The following GPHN variants were observed in gnomAD, a reference collection of about 807,000 sequenced individuals.
GPHN encodes gephyrin.
In GPHN, 17 loss-of-function variants were observed where a neutral mutation model predicts 95.5. That is an observed-to-expected ratio of 0.18 (90% CI 0.12 to 0.27). The LOEUF is 0.27. GPHN is among the 10% of genes least tolerant of loss of function. The pLI is 1.00. For synonymous variants in GPHN, 320 were observed against 322.5 expected (o/e 0.99, Z 0.08); for missense variants, 660 against 978.1 (o/e 0.67, Z 4.34).
the GPHN span, among the ~76,000 whole-genome samples, chr14:67,453,654 G>A: frequency 6.6e-6 from 1 of 152,244 alleles, no homozygotes; most frequent in Non-Finnish European, 1.5e-5. Context: ...GTGGGTTAGA[G>A]GTTCAGAGCT....
At chr14:66,842,658 C>T (rs1275583967) in intron 4 of GPHN, 3 of 1,531,678 alleles carry the variant, frequency 2.0e-6, no homozygotes, top group African/African-American at 2.7e-5. Context: ...TCCCTTTTCT[C>T]TTCTGTTTTT....
intron 4 of GPHN, among the ~76,000 whole-genome samples, chr14:66,837,611 A>G (rs1275781138): frequency 7.8e-6 from 1 of 128,748 alleles, no homozygotes; most frequent in African/African-American, 3.7e-5. Context: ...AAATAAATAA[A>G]TAAAAATAAA....
the GPHN span, among the ~76,000 whole-genome samples, chr14:67,713,248 A>ACAAG: frequency 2.0e-5 from 3 of 148,396 alleles, 1 homozygote; most frequent in South Asian, 6.4e-4. Flanking sequence ...GGAAAAACAA[A>ACAAG]CAAACAAACA....
chr14:67,002,660 C>T (rs2072315310), intron 9 of GPHN, among the ~76,000 whole-genome samples: 1 of 151,358 alleles, frequency 6.6e-6, no homozygotes, highest in African/African-American at 2.4e-5. Context: ...AACTTCTCTG[C>T]ACCTCATATT....
intron 21 of GPHN, among the ~76,000 whole-genome samples, chr14:67,173,196 G>A (rs750709652): frequency 2.0e-5 from 3 of 152,118 alleles, no homozygotes; most frequent in Non-Finnish European, 2.9e-5. Context: ...AAGACCCTTA[G>A]CCTAGGACCC....
intron 2 of GPHN, among the ~76,000 whole-genome samples, chr14:66,766,160 C>T (rs2058954884): frequency 6.6e-6 from 1 of 152,096 alleles, no homozygotes; most frequent in African/African-American, 2.4e-5. Flanking sequence ...TGGAAAATGA[C>T]AATCTTTCTG....
the GPHN span, among the ~76,000 whole-genome samples, chr14:67,315,147 C>CTA: frequency 6.6e-6 from 1 of 151,720 alleles, no homozygotes; most frequent in Non-Finnish European, 1.5e-5. Flanking sequence ...TCAGAATAGC[C>CTA]TATAGTTCAT....
chr14:67,555,518 T>C, the GPHN span, among the ~76,000 whole-genome samples: 1 of 152,018 alleles, frequency 6.6e-6, no homozygotes, highest in Non-Finnish European at 1.5e-5. Context: ...GGTGGGATGC[T>C]CAGGAAGAAT....
At chr14:67,077,261 A>G (rs1284501801) in intron 11 of GPHN, among the ~76,000 whole-genome samples, 1 of 152,150 alleles carries the variant, frequency 6.6e-6, no homozygotes, top group Non-Finnish European at 1.5e-5. Context: ...TACCTGAGAT[A>G]TTCAACACTT....
the GPHN span, chr14:67,570,925 T>C: frequency 6.6e-6 from 1 of 152,234 alleles, no homozygotes; most frequent in Non-Finnish European, 1.5e-5. Flanking sequence ...GGTTTCACCA[T>C]GTTGGCCAGG....
At chr14:67,524,804 A>G in the GPHN span, among the ~76,000 whole-genome samples, 1 of 152,152 alleles carries the variant, frequency 6.6e-6, no homozygotes, top group African/African-American at 2.4e-5. Flanking sequence ...GGATCCAGAT[A>G]ATATCAAAAG....
intron 1 of GPHN, among the ~76,000 whole-genome samples, chr14:66,614,451 A>G (rs1002448565): frequency 6.6e-6 from 1 of 152,152 alleles, no homozygotes; most frequent in Non-Finnish European, 1.5e-5. Context: ...TAAGATGTAA[A>G]TGATATTGAA....
Position 66,676,779 on chromosome 14 carries a change from A to G in GPHN, c.65-4328A>G, listed in dbSNP as rs139792823. On this transcript the variant is annotated intron_variant, in intron 1 of 22. Coordinates refer to ENST00000478722, the MANE Select transcript of GPHN (RefSeq NM_020806.5). Reference sequence around the variant, plus strand: ...ATACTGACCTCTAGTTTTTTTTGTGATTGTTGTTGCATCCTTCTTTAGTTT... The same window carrying G: ...ATACTGACCTCTAGTTTTTTTTGTGGTTGTTGTTGCATCCTTCTTTAGTTT... Among the ~76,000 whole-genome samples the G allele has an allele frequency of 4.0e-3, 555 of 139,782 alleles. 12 individuals carry two copies. Among genetic ancestry groups the G allele is most frequent in the African/African-American group, 0.014 (529 of 36,740 alleles). The allele number at this position is 139,782 out of a possible 152,430, so 91.7% of individuals were successfully genotyped here.
intron 1 of GPHN, among the ~76,000 whole-genome samples, chr14:66,619,574 C>G (rs904997662): frequency 6.7e-6 from 1 of 148,372 alleles, no homozygotes; most frequent in Non-Finnish European, 1.5e-5. Flanking sequence ...TGAGTTTTTT[C>G]CTTATTGTTG....
chr14:67,124,545 T>G (rs2079188869), intron 17 of GPHN, among the ~76,000 whole-genome samples: 1 of 152,176 alleles, frequency 6.6e-6, no homozygotes, highest in Non-Finnish European at 1.5e-5. Context: ...CAGATACAGC[T>G]TTTCCAAAGA....
At chr14:66,689,456 A>G (rs2067625848) in intron 2 of GPHN, among the ~76,000 whole-genome samples, 1 of 152,072 alleles carries the variant, frequency 6.6e-6, no homozygotes, top group African/African-American at 2.4e-5. Flanking sequence ...TCTGTTTGCT[A>G]GTATGTGGTT....
the GPHN span, chr14:67,380,824 A>G: frequency 1.1e-6 from 1 of 885,022 alleles, no homozygotes; most frequent in Non-Finnish European, 1.7e-6. Context: ...AAGCTATTAA[A>G]TAATGAGACT....
chr14:66,635,252 C>T (rs2064034703), intron 1 of GPHN, among the ~76,000 whole-genome samples: 1 of 152,108 alleles, frequency 6.6e-6, no homozygotes, highest in African/African-American at 2.4e-5. Context: ...CTGCCACATT[C>T]CATTGGTCAA....
the GPHN span, among the ~76,000 whole-genome samples, chr14:67,252,839 T>G: frequency 1.3e-5 from 2 of 152,250 alleles, no homozygotes; most frequent in Non-Finnish European, 2.9e-5. Context: ...TCTGTTCTAG[T>G]CATCTCCCAT....
Sources: gnomAD v4.1 joint callset for allele counts (sites outside exome capture counted in the v4.1 genomes callset) on GRCh38, gnomAD v4.1.1 for gene constraint, MANE v1.5 for transcripts, NCBI Gene and HGNC (gene_info 2026-07-23, HGNC 2026-07-21) for gene names.